Variants in NTM observed in about 807,000 individuals in gnomAD.
The protein encoded by NTM is neurotrimin.
Under a neutral mutation model 42.1 loss-of-function variants are expected in NTM, and 13 were observed. The observed-to-expected ratio is 0.31, with a 90% CI of 0.20 to 0.49. The LOEUF is 0.49. Among genes scored for constraint, NTM ranks in the 20% least tolerant of loss-of-function variants. NTM has a pLI of 0.99. For synonymous variants in NTM, 187 were observed against 179.2 expected, an observed-to-expected ratio of 1.04 and a Z score of -0.35; for missense variants, 373 against 452.8, an observed-to-expected ratio of 0.82 and a Z score of 1.60.
At chr11:132,238,567 A>G (rs115015330) in intron 4 of NTM, among the ~76,000 whole-genome samples, 1,797 of 150,732 alleles carry the variant, frequency 0.012, 39 homozygotes, top group African/African-American at 0.041. Flanking sequence ...TTTTGGCATG[A>G]GGTTGTCTTT....
intron 2 of NTM, among the ~76,000 whole-genome samples, chr11:132,071,919 G>A (rs12295759): frequency 0.27 from 40,599 of 151,948 alleles, 5,752 homozygotes; most frequent in African/African-American, 0.33. Context: ...TTCTGTGCTC[G>A]TAACTCACAC....
intron 3 of NTM, chr11:132,147,055 G>GT (rs2070618906): frequency 6.4e-6 from 1 of 157,350 alleles, no homozygotes; most frequent in African/African-American, 2.4e-5. Context: ...CCAGCCAGGG[G>GT]TTTTGGATGC....
chr11:132,027,098 G>T (rs971860016), intron 2 of NTM, among the ~76,000 whole-genome samples: 3 of 152,170 alleles, frequency 2.0e-5, no homozygotes, highest in Non-Finnish European at 4.4e-5. Flanking sequence ...CAAACAAAAA[G>T]CAGAGTTTAC....
chr11:131,687,516 T>C (rs1453066857), intron 1 of NTM, among the ~76,000 whole-genome samples: 1 of 152,140 alleles, frequency 6.6e-6, no homozygotes, highest in African/African-American at 2.4e-5. Flanking sequence ...TTCATGGGCG[T>C]CAGCGTGGGG....
At chr11:132,297,950 C>A (rs113564279) in intron 4 of NTM, among the ~76,000 whole-genome samples, 23 of 152,304 alleles carry the variant, frequency 1.5e-4, no homozygotes, top group African/African-American at 5.1e-4. Context: ...AGATTAAGAA[C>A]CCCTGCCCTA....
chr11:132,294,800 A>G (rs980937238), intron 4 of NTM, among the ~76,000 whole-genome samples: 2 of 152,176 alleles, frequency 1.3e-5, no homozygotes, highest in South Asian at 4.1e-4. Flanking sequence ...TCATTCCACT[A>G]CTAATTACAG....
rs191795002 is a variant in NTM, at chr11:131,686,278, A to T, written c.83-225286A>T. On this transcript the variant is annotated intron_variant, in intron 1 of 8. Transcript: ENST00000683400. ...ATAACTTTTGACTTCTCAAAAATTTAAGTCCTAATAATTTACTGTTGCCCA... is the reference window on the plus strand; with the variant it reads ...ATAACTTTTGACTTCTCAAAAATTTTAGTCCTAATAATTTACTGTTGCCCA... 1.2e-3 allele frequency among the ~76,000 whole-genome samples: 185 copies of T among 152,368 alleles called. 1 individual carries two copies. Among genetic ancestry groups the T allele is most frequent in the South Asian group, 2.1e-4 (1 of 4,828 alleles).
intron 1 of NTM, among the ~76,000 whole-genome samples, chr11:131,578,176 C>G (rs1236594868): frequency 6.6e-6 from 1 of 152,154 alleles, no homozygotes; most frequent in African/African-American, 2.4e-5. Flanking sequence ...GCAAATTTAT[C>G]AGGTGATCGA....
chr11:131,794,609 G>A lies in NTM; in HGVS notation c.83-116955G>A. On this transcript the variant is annotated intron_variant, in intron 1 of 8. Transcript: ENST00000683400. ...ATGGCAATAGACCGACACAAAATAA[G>A]TGCTGGATGAGTGTTGAATGAATGA... 4.1e-6 allele frequency: 4 copies of A among 967,720 alleles called. No homozygotes were observed. The South Asian group carries it at 1.9e-4, about 47-fold the overall frequency. The allele number at this position is 967,720 out of a possible 1,614,324, so 59.9% of individuals were successfully genotyped here.
intron 1 of NTM, among the ~76,000 whole-genome samples, chr11:131,802,719 G>T (rs919896485): frequency 6.6e-6 from 1 of 152,200 alleles, no homozygotes; most frequent in Non-Finnish European, 1.5e-5. Flanking sequence ...AGAGTGCTGC[G>T]CTAACCTTCC....
intron 1 of NTM, among the ~76,000 whole-genome samples, chr11:131,868,474 G>C (rs568579489): frequency 6.6e-6 from 1 of 152,182 alleles, no homozygotes; most frequent in East Asian, 1.9e-4. Flanking sequence ...TGATTGTGTC[G>C]GGCTCTGTGC....
At position 132,116,368 on chromosome 11, in the gene NTM, G is replaced by T. The variant is rs187831788; in HGVS notation, c.168-29914G>T. The stretch of plus-strand genomic sequence containing the variant: ...CCATAGATAGTACCCAAACAGAAGT[G>T]GGGGGTGATACTTTCTCCTACTCTT... On this transcript the variant is annotated intron_variant, in intron 2 of 8. Coordinates refer to ENST00000683400, the MANE Select transcript of NTM (RefSeq NM_001352005.2). Among the ~76,000 whole-genome samples, 483 of 152,308 alleles carry T rather than the reference G, an allele frequency of 3.2e-3. 2 individuals are homozygous for T. The highest frequency in any genetic ancestry group is 4.2e-3 in the Non-Finnish European group (286 of 68,006).
intron 1 of NTM, among the ~76,000 whole-genome samples, chr11:131,591,260 A>C (rs1700165521): frequency 6.6e-6 from 1 of 152,200 alleles, no homozygotes; most frequent in Admixed American, 6.5e-5. Context: ...GCCAGCACTG[A>C]AAGGTCCCTG....
chr11:131,784,999 TAC>T (rs1161706944), intron 1 of NTM, among the ~76,000 whole-genome samples: 2 of 152,202 alleles, frequency 1.3e-5, no homozygotes, highest in Non-Finnish European at 2.9e-5. Flanking sequence ...GTATAAAAAC[TAC>T]AGTCTTTAAA....
chr11:132,084,600 A>G (rs775999678), intron 2 of NTM, among the ~76,000 whole-genome samples: 1 of 152,164 alleles, frequency 6.6e-6, no homozygotes, highest in Non-Finnish European at 1.5e-5. Context: ...AAAACACTTG[A>G]TGTTGTGAAC....
intron 4 of NTM, among the ~76,000 whole-genome samples, chr11:132,234,970 A>G (rs540441251): frequency 6.6e-6 from 1 of 152,368 alleles, no homozygotes; most frequent in Non-Finnish European, 1.5e-5. Context: ...TTAAATCAGG[A>G]CGGGCCTTTG....
chr11:131,764,546 T>C (rs2084798401), intron 1 of NTM, among the ~76,000 whole-genome samples: 1 of 152,242 alleles, frequency 6.6e-6, no homozygotes, highest in Admixed American at 6.5e-5. Flanking sequence ...ATTTTGGCTC[T>C]GCCACTAACT....
intron 1 of NTM, among the ~76,000 whole-genome samples, chr11:131,431,884 C>T (rs377109034): frequency 1.3e-5 from 2 of 152,290 alleles, no homozygotes; most frequent in East Asian, 3.9e-4. Context: ...CTCCCTACCC[C>T]TCCCCATCAG....
At chr11:131,918,295 T>G (rs1358559679) in intron 2 of NTM, among the ~76,000 whole-genome samples, 1 of 152,154 alleles carries the variant, frequency 6.6e-6, no homozygotes, top group African/African-American at 2.4e-5. Context: ...CATGAATGCT[T>G]TCAATGCATT....
Sources: allele counts gnomAD v4.1 joint callset (sites outside exome capture counted in the v4.1 genomes callset), GRCh38; gene constraint gnomAD v4.1.1; transcripts MANE v1.5; gene names NCBI Gene and HGNC (gene_info 2026-07-23, HGNC 2026-07-21).